SPIRE1: variants seen among roughly 807,000 people sequenced by gnomAD.
SPIRE1 encodes the protein protein spire homolog 1.
A neutral mutation model predicts 94.1 loss-of-function variants in SPIRE1; 40 were observed. The ratio of observed to expected loss-of-function variants is 0.43; its 90% CI spans 0.33 to 0.55. The LOEUF (loss-of-function observed/expected upper bound fraction) is 0.55. SPIRE1 is among the 20% of genes least tolerant of loss of function. The pLI is 0.06. For synonymous variants in SPIRE1, 376 were observed against 371.7 expected (o/e 1.01, Z -0.13); for missense variants, 838 against 975.2 (o/e 0.86, Z 1.87).
chr18:12,614,408 G>C (rs1036796227), intron 2 of SPIRE1, among the ~76,000 whole-genome samples: 1 of 152,124 alleles, frequency 6.6e-6, no homozygotes, highest in African/African-American at 2.4e-5. Flanking sequence ...TGCAGCTCTA[G>C]ATCAGTCCCA....
chr18:12,454,332 T>A lies in SPIRE1; in HGVS notation c.1776+14A>T, dbSNP rs781598342. 1.3e-5 allele frequency: 21 copies of A among 1,613,890 alleles called. No homozygotes were observed. The highest frequency in any genetic ancestry group is 5.5e-5 in the South Asian group (5 of 91,072). On this transcript the variant is annotated intron_variant, in intron 13 of 16. Transcript: ENST00000409402. ...CTTCTACTCTTCTGATCAATCAACT[T>A]TAAACAGCACTACCTTTCCTTTTTT... is the stretch of plus-strand genomic sequence containing the variant.
intron 2 of SPIRE1, among the ~76,000 whole-genome samples, chr18:12,605,288 G>A (rs979834160): frequency 6.7e-6 from 1 of 149,904 alleles, no homozygotes; most frequent in Non-Finnish European, 1.5e-5. Flanking sequence ...GGAGGCCGAG[G>A]TGGGCGGACC....
At chr18:12,482,205 C>T (rs775579274) in intron 9 of SPIRE1, among the ~76,000 whole-genome samples, 2 of 152,158 alleles carry the variant, frequency 1.3e-5, no homozygotes, top group Admixed American at 6.5e-5. Flanking sequence ...TGCAGTGGCG[C>T]GATCTCAGCT....
At chr18:12,625,910 G>T (rs545766066) in intron 2 of SPIRE1, among the ~76,000 whole-genome samples, 1 of 152,210 alleles carries the variant, frequency 6.6e-6, no homozygotes, top group East Asian at 1.9e-4. Context: ...GGGCGTGGTG[G>T]CGGCTGCCTG....
At chr18:12,461,655 T>G (rs2031867677) in intron 12 of SPIRE1, among the ~76,000 whole-genome samples, 1 of 136,060 alleles carries the variant, frequency 7.3e-6, no homozygotes, top group African/African-American at 2.6e-5. Flanking sequence ...AGAGACAGGG[T>G]CTTGCTGTGT....
At chr18:12,623,480 G>T (rs2037534759) in intron 2 of SPIRE1, among the ~76,000 whole-genome samples, 1 of 151,958 alleles carries the variant, frequency 6.6e-6, no homozygotes, top group Non-Finnish European at 1.5e-5. Flanking sequence ...TGCTACAAAT[G>T]AATAAATGTA....
chr18:12,541,764 CTT>C, intron 3 of SPIRE1, among the ~76,000 whole-genome samples: 1 of 151,878 alleles, frequency 6.6e-6, no homozygotes. Context: ...AAATCTGTGT[CTT>C]TTAAAAATTA....
chr18:12,513,513 A>C (rs2034102846), intron 4 of SPIRE1, among the ~76,000 whole-genome samples: 1 of 150,208 alleles, frequency 6.7e-6, no homozygotes, highest in African/African-American at 2.4e-5. Flanking sequence ...TTATTTATTT[A>C]TTTATTTATT....
At chr18:12,591,968 C>CAAAAAAAAAAAAAAAAAAAAA (rs35668057) in intron 2 of SPIRE1, among the ~76,000 whole-genome samples, 2 of 67,440 alleles carry the variant, frequency 3.0e-5, no homozygotes, top group African/African-American at 1.1e-4. Flanking sequence ...GACTCCATCT[C>CAAAAAAAAAAAAAAAAAAAAA]AAAAAAAAAA....
intron 2 of SPIRE1, among the ~76,000 whole-genome samples, chr18:12,555,223 G>T (rs985558593): frequency 3.3e-5 from 5 of 151,870 alleles, no homozygotes; most frequent in Admixed American, 2.6e-4. Flanking sequence ...CTCATTGACT[G>T]GTTTTCTGTC....
chr18:12,574,563 C>A (rs1338780340), intron 2 of SPIRE1, among the ~76,000 whole-genome samples: 1 of 152,118 alleles, frequency 6.6e-6, no homozygotes, highest in African/African-American at 2.4e-5. Flanking sequence ...AGAAAGATGG[C>A]AAGTTAAATA....
chr18:12,458,222 A>G (rs1240776343), intron 12 of SPIRE1, among the ~76,000 whole-genome samples: 1 of 152,092 alleles, frequency 6.6e-6, no homozygotes, highest in East Asian at 1.9e-4. Flanking sequence ...ATTACCCAAA[A>G]TAACCATTGC....
chr18:12,511,414 C>G (rs528025373), intron 5 of SPIRE1, among the ~76,000 whole-genome samples: 1 of 152,122 alleles, frequency 6.6e-6, no homozygotes, highest in Non-Finnish European at 1.5e-5. Flanking sequence ...ATGCTCCTTA[C>G]GAGAATCTAA....
chr18:12,648,908 A>G (rs966513763), intron 1 of SPIRE1, among the ~76,000 whole-genome samples: 8 of 151,512 alleles, frequency 5.3e-5, no homozygotes, highest in African/African-American at 7.2e-5. Flanking sequence ...AAAAAAAAAA[A>G]AAAGAAAAAG....
At chr18:12,478,620 C>T (rs1056939323) in intron 10 of SPIRE1, among the ~76,000 whole-genome samples, 8 of 148,886 alleles carry the variant, frequency 5.4e-5, no homozygotes, top group South Asian at 2.1e-4. Context: ...TGTGTGTGTG[C>T]GCGCGCATGC....
intron 4 of SPIRE1, among the ~76,000 whole-genome samples, chr18:12,521,224 C>A (rs749020484): frequency 1.3e-5 from 2 of 151,880 alleles, no homozygotes; most frequent in Admixed American, 1.3e-4. Context: ...TAAGATAAAC[C>A]GAGCTCAATA....
chr18:12,521,283 T>C (rs2034350049), intron 4 of SPIRE1, among the ~76,000 whole-genome samples: 1 of 152,212 alleles, frequency 6.6e-6, no homozygotes, highest in Non-Finnish European at 1.5e-5. Flanking sequence ...AAATAATATA[T>C]GTACAGGCAT....
At chr18:12,591,211 A>G (rs2036524875) in intron 2 of SPIRE1, among the ~76,000 whole-genome samples, 1 of 152,234 alleles carries the variant, frequency 6.6e-6, no homozygotes, top group African/African-American at 2.4e-5. Context: ...TGAGAGGCTA[A>G]GTATGCGACT....
intron 4 of SPIRE1, among the ~76,000 whole-genome samples, chr18:12,527,720 C>G (rs2034562131): frequency 1.3e-5 from 2 of 152,118 alleles, no homozygotes; most frequent in East Asian, 3.9e-4. Flanking sequence ...CTCCTGATAA[C>G]TCCATAATCG....
Sources: allele counts gnomAD v4.1 joint callset (sites outside exome capture counted in the v4.1 genomes callset), GRCh38; gene constraint gnomAD v4.1.1; transcripts MANE v1.5; gene names NCBI Gene and HGNC (gene_info 2026-07-23, HGNC 2026-07-21).